Variants in ADGRV1 observed in about 807,000 individuals in gnomAD.
ADGRV1 encodes adhesion G protein-coupled receptor V1.
A neutral mutation model predicts 596.2 loss-of-function variants in ADGRV1; 359 were observed. The ratio of observed to expected loss-of-function variants is 0.60; its 90% confidence interval spans 0.55 to 0.66. ADGRV1 has a LOEUF of 0.66. Ranked by LOEUF, ADGRV1 falls within the 30% of genes least tolerant of loss-of-function variation. The pLI is 0.00. For missense variants in ADGRV1, 7,274 were observed against 7,575.6 expected (o/e 0.96, Z 1.48); for synonymous variants, 2,681 against 2,679.2 (o/e 1.00, Z -0.02).
intron 1 of ADGRV1, among the ~76,000 whole-genome samples, chr5:90,603,130 C>T (rs754950359): frequency 3.3e-5 from 5 of 152,158 alleles, no homozygotes; most frequent in Middle Eastern, 3.2e-3. Flanking sequence ...CAGACCTCTA[C>T]CTGTGCTTCC....
At chr5:90,825,024 C>T (rs1006742354) in intron 76 of ADGRV1, among the ~76,000 whole-genome samples, 7 of 152,088 alleles carry the variant, frequency 4.6e-5, no homozygotes, top group Admixed American at 2.0e-4. Flanking sequence ...GCAACTTCCA[C>T]CTCCTGAGTT....
intron 84 of ADGRV1, among the ~76,000 whole-genome samples, chr5:90,975,667 C>T (rs1422693085): frequency 1.3e-5 from 2 of 152,062 alleles, no homozygotes; most frequent in Non-Finnish European, 2.9e-5. Flanking sequence ...AACACTTGGA[C>T]ACAGCAAGGG....
At chr5:90,646,189 C>A in intron 16 of ADGRV1, 98 bp downstream of exon 16, 1 of 680,740 alleles carries the variant, frequency 1.5e-6, no homozygotes, top group Non-Finnish European at 2.1e-6. Flanking sequence ...TATGCACGTG[C>A]GTATATACAT....
rs1484688327 is a variant in ADGRV1 at position 90,745,060 on chromosome 5, A to G, written c.10564A>G (p.Ile3522Val). ...CCTTCCTGCAGCCCACATACTTCTT[A>G]TTGGCCAAGATATGTCTGCTCTTTA... ...PASGIAHILL[I>V]GQDMSALYCW... is the part of the protein sequence containing the mutation. Residue 3522 changes from isoleucine to valine, a missense_variant, in exon 51 of 90, where the codon ATT becomes GTT. By Grantham distance (29) the Ile-to-Val change is conservative (BLOSUM62 3). Transcript: ENST00000405460. 1.2e-6 allele frequency: 2 copies of G among 1,612,602 alleles called. No homozygotes were observed. Among genetic ancestry groups the G allele is most frequent in the South Asian group, 1.1e-5 (1 of 91,034 alleles).
intron 84 of ADGRV1, among the ~76,000 whole-genome samples, chr5:90,976,344 A>G (rs183449444): frequency 1.5e-4 from 21 of 143,350 alleles, no homozygotes; most frequent in East Asian, 5.9e-4. Context: ...ATATATATAT[A>G]TATATGTATA....
intron 42 of ADGRV1, among the ~76,000 whole-genome samples, chr5:90,713,796 A>G (rs1411887398): frequency 1.3e-5 from 2 of 152,190 alleles, no homozygotes; most frequent in Admixed American, 1.3e-4. Flanking sequence ...GAAATTACAT[A>G]GGTGACATGC....
Position 90,777,908 on chromosome 5 carries a change from T to A in ADGRV1, c.12531T>A (p.Leu4177=). The change falls in exon 62 of 90, where the codon CTT becomes CTA. Residue 4177 remains leucine (L), a synonymous_variant. Transcript: ENST00000405460. ...AKYNGTAIIS[L]VRGPGILGEV... is the part of the protein sequence containing the mutation. Reference sequence around the variant, plus strand: ...ATACATTTGTTTATTGTTGTAGCCTTGTTCGAGGCCCAGGGATTTTGGGGG... The same window carrying A: ...ATACATTTGTTTATTGTTGTAGCCTAGTTCGAGGCCCAGGGATTTTGGGGG... The A allele has an allele frequency of 6.2e-7, 1 of 1,609,392 alleles. No homozygotes were observed. The highest frequency in any genetic ancestry group is 1.1e-5 in the South Asian group (1 of 90,576).
intron 7 of ADGRV1, among the ~76,000 whole-genome samples, chr5:90,628,332 A>G (rs1028933808): frequency 7.9e-5 from 12 of 152,184 alleles, no homozygotes; most frequent in African/African-American, 2.7e-4. Flanking sequence ...GGATTGCCTG[A>G]GTCCATGAAG....
chr5:91,108,925 A>T (rs1023866431), intron 87 of ADGRV1, among the ~76,000 whole-genome samples: 1 of 152,122 alleles, frequency 6.6e-6, no homozygotes. Context: ...TGTCTGATGC[A>T]CTTTAAGTAA....
At chr5:91,066,171 G>A (rs1787868523) in intron 85 of ADGRV1, among the ~76,000 whole-genome samples, 1 of 152,136 alleles carries the variant, frequency 6.6e-6, no homozygotes, top group South Asian at 2.1e-4. Flanking sequence ...ACGTTAATCA[G>A]CTACTTCCAC....
In ADGRV1 at chr5:90,651,399, TTG is replaced by T. The variant is rs560864025; in HGVS notation, c.3290-203_3290-202del. On this transcript the variant is annotated intron_variant, in intron 17 of 89. Transcript: ENST00000405460. The stretch of plus-strand genomic sequence containing the variant: ...TAGGCATCTCTCTTTCTCTCTCTCT[TTG>T]TATGTATGTTTGTACTTATGTGTGT... Among the ~76,000 whole-genome samples the T allele has an allele frequency of 5.9e-3, 891 of 150,486 alleles. 6 individuals carry two copies. The highest frequency in any genetic ancestry group is 9.0e-3 in the Non-Finnish European group (607 of 67,486).
intron 87 of ADGRV1, among the ~76,000 whole-genome samples, chr5:91,138,586 G>A (rs904749041): frequency 6.6e-6 from 1 of 151,900 alleles, no homozygotes; most frequent in African/African-American, 2.4e-5. Context: ...AAGAGTATTC[G>A]AAAATAATAA....
rs1011990774 is a variant in ADGRV1 at position 90,977,106 on chromosome 5, G to A, written c.17974-8238G>A. Among the ~76,000 whole-genome samples, 28 of 152,202 alleles carry A rather than the reference G, an allele frequency of 1.8e-4. No individual in the cohort carries two copies. In the South Asian group the frequency reaches 1.9e-3, roughly 10 times the overall value. ...AATGCTAAAATTAGCCTTGTTTCTC[G>A]TTCATCGTTGATTTAATTTTGGGGG... On this transcript the variant is annotated intron_variant, in intron 84 of 89. Transcript: ENST00000405460.
chr5:91,114,963 A>AT (rs1327683631), intron 87 of ADGRV1, among the ~76,000 whole-genome samples: 1 of 152,030 alleles, frequency 6.6e-6, no homozygotes, highest in Non-Finnish European at 1.5e-5. Context: ...CCAGGCTGCA[A>AT]TTTTCTGTTC....
intron 87 of ADGRV1, among the ~76,000 whole-genome samples, chr5:91,143,199 C>A (rs1795243978): frequency 6.6e-6 from 1 of 152,184 alleles, no homozygotes; most frequent in African/African-American, 2.4e-5. Flanking sequence ...ACCTGCAGAG[C>A]CCCAAAGAGG....
intron 70 of ADGRV1, among the ~76,000 whole-genome samples, chr5:90,796,769 A>G (rs1260888530): frequency 6.6e-6 from 1 of 152,216 alleles, no homozygotes; most frequent in Non-Finnish European, 1.5e-5. Context: ...CAAACAGCCG[A>G]TCTCTCAGCA....
intron 40 of ADGRV1, 54 bp downstream of exon 40, chr5:90,711,113 C>T (rs1479174473): frequency 1.9e-6 from 3 of 1,569,462 alleles, no homozygotes; most frequent in Non-Finnish European, 2.6e-6. Flanking sequence ...TATTTACTAT[C>T]TACCAAATAA....
rs368970769 is a variant in ADGRV1 at position 90,900,265 on chromosome 5, T to C, written c.17856+36408T>C. ...TTCTGTCCATCCATTTAGATAGAGA[T>C]TTAATAGTTCTCTTAAAGGCATTAT... On this transcript the variant is annotated intron_variant, in intron 83 of 89. Coordinates refer to ENST00000405460, the MANE Select transcript of ADGRV1 (RefSeq NM_032119.4). Among the ~76,000 whole-genome samples the C allele has an allele frequency of 2.8e-4, 43 of 152,128 alleles. 1 individual carries two copies. In the South Asian group the frequency reaches 8.7e-3, roughly 31 times the overall value.
intron 22 of ADGRV1, 185 bp downstream of exon 22, chr5:90,672,907 G>T: frequency 1.9e-6 from 1 of 516,420 alleles, no homozygotes; most frequent in Non-Finnish European, 3.4e-6. Context: ...GGTAGAGTTA[G>T]TTTCTTCATC....
Sources: gnomAD v4.1 joint callset for allele counts (sites outside exome capture counted in the v4.1 genomes callset) on GRCh38, gnomAD v4.1.1 for gene constraint, MANE v1.5 for transcripts, NCBI Gene and HGNC (gene_info 2026-07-23, HGNC 2026-07-21) for gene names.